CDKL5: variants seen among roughly 807,000 people sequenced by gnomAD.
CDKL5 encodes cyclin-dependent kinase-like 5.
In CDKL5, 8 loss-of-function variants were observed where a neutral mutation model predicts 61.7. The observed-to-expected ratio is 0.13, with a 90% confidence interval of 0.08 to 0.23. The LOEUF is 0.23. Ranked by LOEUF, CDKL5 falls within the 10% of genes least tolerant of loss-of-function variation. The pLI is 1.00. For missense variants in CDKL5, 440 were observed against 734.5 expected (o/e 0.60, Z 4.63); for synonymous variants, 275 against 272.3 (o/e 1.01, Z -0.10).
At chrX:18,451,380 C>T (rs900473247) in intron 1 of CDKL5, among the ~76,000 whole-genome samples, 4 of 110,424 alleles carry the variant, frequency 3.6e-5, no homozygotes, top group Admixed American at 1.9e-4. Context: ...TTAGTAGAGG[C>T]GGGGTTTCTC....
At chrX:18,647,645 C>T (rs995827121) in intron 20 of CDKL5, 1 of 301,569 alleles carries the variant, frequency 3.3e-6, no homozygotes, top group African/African-American at 2.7e-5. Context: ...CCTCCACCAA[C>T]TTAGAGATCT....
intron 1 of CDKL5, among the ~76,000 whole-genome samples, chrX:18,430,129 C>T (rs1002052853): frequency 8.9e-6 from 1 of 112,132 alleles, no homozygotes; most frequent in Non-Finnish European, 1.9e-5. Context: ...ACCAGAGGGT[C>T]AGACTTTTCT....
At chrX:18,446,190 A>G (rs1296671972) in intron 1 of CDKL5, among the ~76,000 whole-genome samples, 1 of 89,708 alleles carries the variant, frequency 1.1e-5, no homozygotes, top group African/African-American at 4.2e-5. Flanking sequence ...CTAAAAATAC[A>G]AAAAAAAAAA....
At chrX:18,537,007 T>A (rs1461688912) in intron 3 of CDKL5, among the ~76,000 whole-genome samples, 2 of 108,135 alleles carry the variant, frequency 1.8e-5, no homozygotes, top group Non-Finnish European at 3.8e-5. Flanking sequence ...TTTTTTTTTT[T>A]AACTGTTGTA....
chrX:18,526,575 G>C (rs1383207207), intron 3 of CDKL5, among the ~76,000 whole-genome samples: 2 of 111,407 alleles, frequency 1.8e-5, no homozygotes. Context: ...AATAATGTTA[G>C]GTTTTCTGTA....
chrX:18,598,316 C>CTTTTTTTTTTTTTTTTT, intron 10 of CDKL5, 146 bp from the exon 11 acceptor site: 1 of 378,668 alleles, frequency 2.6e-6, no homozygotes. Flanking sequence ...TTTAGATAGT[C>CTTTTTTTTTTTTTTTTT]TTTTTTTTTT....
Position 18,651,264 on chromosome X carries a change from T to TGAGA in CDKL5, c.2980+693_2980+696dup, listed in dbSNP as rs1191836877. ...GTGTGTGTGTGTGTGTGTGTGTGTG[T>TGAGA]GAGAGAGAGAGAGAGAGAGAGAGAC... On this transcript the variant is annotated intron_variant, in intron 21 of 21. Coordinates refer to the CDKL5 transcript ENST00000379989. Among the ~76,000 whole-genome samples the TGAGA allele has an allele frequency of 1.8e-3, 124 of 68,988 alleles. 2 individuals are homozygous for TGAGA. The highest frequency in any genetic ancestry group is 8.0e-3 in the Middle Eastern group (1 of 125). The allele number at this position is 68,988 out of a possible 115,157, so 59.9% of individuals were successfully genotyped here. A position where few individuals can be genotyped will look rare whatever the true frequency, so the allele number is the denominator to read the frequency against.
chrX:18,628,904 G>A lies in CDKL5; in HGVS notation c.*147G>A. On this transcript the variant is annotated 3_prime_UTR_variant, in exon 18 of 18. Coordinates refer to ENST00000623535, the MANE Select transcript of CDKL5 (RefSeq NM_001323289.2). The stretch of plus-strand genomic sequence containing the variant: ...GTGTGTGCAATATTGCATGTGTTGG[G>A]GCCGTTGAGCTCCTCGCGGCCACAA... 9 of 1,064,872 alleles carry A rather than the reference G, an allele frequency of 8.5e-6. No homozygotes were observed. Among genetic ancestry groups the A allele is most frequent in the Non-Finnish European group, 1.1e-5 (9 of 830,754 alleles). 87.8% of individuals were successfully genotyped at this position (1,064,872 alleles called of 1,213,427 possible).
At chrX:18,431,660 C>T (rs1303956082) in intron 1 of CDKL5, among the ~76,000 whole-genome samples, 2 of 109,465 alleles carry the variant, frequency 1.8e-5, no homozygotes, top group Admixed American at 9.8e-5. Flanking sequence ...CTCCTGACCT[C>T]GTGATCTGCC....
downstream of CDKL5, chrX:18,640,289 C>G (rs1176864618): frequency 9.0e-6 from 1 of 110,740 alleles, no homozygotes; most frequent in Non-Finnish European, 1.9e-5. Context: ...TTTGATGTGC[C>G]TTAACTCTTA....
chrX:18,634,368 C>T lies in CDKL5; in HGVS notation c.*5611C>T, dbSNP rs1190371876. 2 of 751,870 alleles carry T rather than the reference C, an allele frequency of 2.7e-6. No individual in the cohort carries two copies. The highest frequency in any genetic ancestry group is 3.1e-6 in the Non-Finnish European group (2 of 638,624). The allele number at this position is 751,870 out of a possible 1,213,427, so 62.0% of individuals were successfully genotyped here. On this transcript the variant is annotated 3_prime_UTR_variant, in exon 18 of 18. Transcript: ENST00000623535. Reference sequence around the variant, plus strand: ...CTGCTTCAGGTCTTATCAGAAGAAACCCAGGAATAGAAAAGGTAGATGCCT... The same window carrying T: ...CTGCTTCAGGTCTTATCAGAAGAAATCCAGGAATAGAAAAGGTAGATGCCT...
intron 3 of CDKL5, among the ~76,000 whole-genome samples, chrX:18,545,068 C>T (rs188909138): frequency 6.9e-4 from 76 of 110,264 alleles, no homozygotes; most frequent in Non-Finnish European, 1.3e-3. Context: ...TCTCTACAAA[C>T]AGTACAAAAA....
At chrX:18,437,735 G>T (rs1370560815) in intron 1 of CDKL5, among the ~76,000 whole-genome samples, 1 of 111,969 alleles carries the variant, frequency 8.9e-6, no homozygotes, top group Non-Finnish European at 1.9e-5. Context: ...GTTCAGGTGG[G>T]CTTATGTATA....
At chrX:18,486,987 T>C (rs1459221841) in intron 1 of CDKL5, among the ~76,000 whole-genome samples, 2 of 111,819 alleles carry the variant, frequency 1.8e-5, no homozygotes, top group Non-Finnish European at 3.8e-5. Flanking sequence ...TCTTGGTGCA[T>C]AAGAAAAGAA....
At chrX:18,647,634 T>C (rs1927840665) in intron 20 of CDKL5, 1 of 316,011 alleles carries the variant, frequency 3.2e-6, no homozygotes, top group Non-Finnish European at 5.6e-6. Context: ...ATACTTCACC[T>C]CCTCCACCAA....
Position 18,581,964 on chromosome X carries a change from A to C in CDKL5, c.463+14A>C. 9.0e-7 allele frequency: 1 copy of C among 1,111,241 alleles called. No homozygotes were observed. Among genetic ancestry groups the C allele is most frequent in the Non-Finnish European group, 1.2e-6 (1 of 805,209 alleles). 91.6% of individuals were successfully genotyped at this position (1,111,241 alleles called of 1,213,427 possible). On this transcript the variant is annotated intron_variant, in intron 7 of 17. Transcript: ENST00000623535. ...TGTGTGACTTTGGTAAGTTAAAAAGAAATTAAGTCCTGGTACTTACAGAAT... is the reference window on the plus strand; with the variant it reads ...TGTGTGACTTTGGTAAGTTAAAAAGCAATTAAGTCCTGGTACTTACAGAAT...
chrX:18,630,960 T>G lies in CDKL5; in HGVS notation c.*2203T>G. On this transcript the variant is annotated 3_prime_UTR_variant, in exon 18 of 18. Transcript: ENST00000623535. ...TCTTTTTCATACTAGATCTCTACCTTGTATTCCCCCCTTGCAAACCAGAAA... is the reference window on the plus strand; with the variant it reads ...TCTTTTTCATACTAGATCTCTACCTGGTATTCCCCCCTTGCAAACCAGAAA... The G allele has an allele frequency of 1.3e-6, 1 of 747,793 alleles. No individual in the cohort carries two copies. Among genetic ancestry groups the G allele is most frequent in the South Asian group, 6.9e-5 (1 of 14,429 alleles). The allele number at this position is 747,793 out of a possible 1,213,427, so 61.6% of individuals were successfully genotyped here. A position where few individuals can be genotyped will look rare whatever the true frequency, so the allele number is the denominator to read the frequency against.
chrX:18,557,222 G>A (rs982986742), intron 3 of CDKL5, among the ~76,000 whole-genome samples: 5 of 110,907 alleles, frequency 4.5e-5, no homozygotes, highest in African/African-American at 6.6e-5. Flanking sequence ...ATTCAGAAAA[G>A]CAGACAAACA....
At position 18,533,122 on chromosome X, in the gene CDKL5, ATG is replaced by A. The variant is rs749582780; in HGVS notation, c.99+22272_99+22273del. Among the ~76,000 whole-genome samples, 39 of 111,946 alleles carry A rather than the reference ATG, an allele frequency of 3.5e-4. 2 individuals carry two copies. The highest frequency in any genetic ancestry group is 9.2e-3 in the Middle Eastern group (2 of 217). ...ATGTAATTTTAATATACTAAATAAA[ATG>A]TGTTTTAAAATGATTTGCCGTACTG... On this transcript the variant is annotated intron_variant, in intron 3 of 17. Coordinates refer to ENST00000623535, the MANE Select transcript of CDKL5 (RefSeq NM_001323289.2).
Sources: allele counts gnomAD v4.1 joint callset (sites outside exome capture counted in the v4.1 genomes callset), GRCh38; gene constraint gnomAD v4.1.1; transcripts MANE v1.5; gene names NCBI Gene and HGNC (gene_info 2026-07-23, HGNC 2026-07-21).